Variants in PSTPIP1 observed in about 807,000 individuals in gnomAD.
PSTPIP1 encodes the protein proline-serine-threonine phosphatase interacting protein 1.
PSTPIP1 carries 66 observed loss-of-function variants against 69.6 expected under a neutral mutation model. The ratio of observed to expected loss-of-function variants is 0.95; its 90% CI spans 0.78 to 1.16. The LOEUF is 1.16. Ranked by LOEUF, PSTPIP1 falls within the 50% of genes most tolerant of loss-of-function variation. The pLI, the probability that PSTPIP1 is intolerant of heterozygous loss-of-function variation, is 0.00. For missense variants in PSTPIP1, 603 were observed against 557.4 expected, an observed-to-expected ratio of 1.08 and a Z score of -0.82; for synonymous variants, 266 against 222.7, an observed-to-expected ratio of 1.19 and a Z score of -1.73.
At chr15:77,015,378 T>C (rs767229111) in intron 1 of PSTPIP1, among the ~76,000 whole-genome samples, 2 of 152,132 alleles carry the variant, frequency 1.3e-5, no homozygotes, top group Admixed American at 1.3e-4. Context: ...TGTCCCCATC[T>C]TCGCCTCCCG....
At chr15:77,020,572 G>T (rs2076139675) in intron 3 of PSTPIP1, among the ~76,000 whole-genome samples, 2 of 152,174 alleles carry the variant, frequency 1.3e-5, no homozygotes, top group Admixed American at 6.5e-5. Flanking sequence ...CCTACTATGT[G>T]CCATGCCCTG....
intron 1 of PSTPIP1, among the ~76,000 whole-genome samples, chr15:77,000,407 AGG>A (rs1236772897): frequency 3.3e-5 from 5 of 151,208 alleles, no homozygotes; most frequent in Non-Finnish European, 5.9e-5. Context: ...CAGGGGCATC[AGG>A]AGAGCCTGAC....
chr15:77,035,414 C>T (rs959164866), intron 12 of PSTPIP1, 94 bp from the exon 13 acceptor site: 4 of 1,299,326 alleles, frequency 3.1e-6, no homozygotes, highest in Non-Finnish European at 4.3e-6. Flanking sequence ...AGAGCGCGTG[C>T]AGCTCTGAGA....
At chr15:77,005,445 C>T (rs1379263104) in intron 1 of PSTPIP1, among the ~76,000 whole-genome samples, 2 of 152,210 alleles carry the variant, frequency 1.3e-5, no homozygotes, top group African/African-American at 4.8e-5. Flanking sequence ...CTGGTTTTTA[C>T]CATTTTCCTG....
chr15:77,024,780 T>TC (rs2076238715), intron 3 of PSTPIP1, among the ~76,000 whole-genome samples: 4 of 141,862 alleles, frequency 2.8e-5, no homozygotes, highest in Non-Finnish European at 6.2e-5. Context: ...ACCTCTCAAC[T>TC]CCTGCGCCCT....
intron 1 of PSTPIP1, among the ~76,000 whole-genome samples, chr15:77,002,692 A>G (rs1251680583): frequency 6.6e-6 from 1 of 152,206 alleles, no homozygotes; most frequent in Non-Finnish European, 1.5e-5. Flanking sequence ...ATGCCTGCAG[A>G]TGGTCACTGC....
intron 1 of PSTPIP1, among the ~76,000 whole-genome samples, chr15:77,004,815 C>T (rs1030510190): frequency 1.3e-5 from 2 of 151,874 alleles, no homozygotes; most frequent in Admixed American, 6.6e-5. Flanking sequence ...ACTGTATGAT[C>T]GCACCACTGC....
intron 1 of PSTPIP1, among the ~76,000 whole-genome samples, chr15:77,000,460 GAT>G (rs1045472754): frequency 4.2e-5 from 6 of 141,692 alleles, no homozygotes; most frequent in African/African-American, 1.3e-4. Context: ...TTTAAAGAGA[GAT>G]ATATATATAT....
chr15:77,022,856 G>C (rs1268371036), intron 3 of PSTPIP1, among the ~76,000 whole-genome samples: 2 of 152,196 alleles, frequency 1.3e-5, no homozygotes, highest in African/African-American at 4.8e-5. Context: ...GCCTGGAGGG[G>C]CCAAAGCCTG....
At position 77,020,756 on chromosome 15, in the gene PSTPIP1, T is replaced by C. The variant is rs556684604; in HGVS notation, c.212+2225T>C. On this transcript the variant is annotated intron_variant, in intron 3 of 14. Transcript: ENST00000558012. ...TCCCAGACACCTTGCCTTGCCTTACTGTCAGAGTCTTGGCTTAGACCCAAT... is the reference window on the plus strand; with the variant it reads ...TCCCAGACACCTTGCCTTGCCTTACCGTCAGAGTCTTGGCTTAGACCCAAT... 8.0e-4 allele frequency among the ~76,000 whole-genome samples: 122 copies of C among 152,212 alleles called. 1 individual carries two copies. The highest frequency in any genetic ancestry group is 2.2e-4 in the Non-Finnish European group (15 of 68,002).
chr15:77,034,430 C>T (rs767395396), intron 12 of PSTPIP1, among the ~76,000 whole-genome samples: 24 of 152,134 alleles, frequency 1.6e-4, no homozygotes, highest in African/African-American at 2.2e-4. Context: ...TGGCCCTCGG[C>T]GCCTCATGTG....
chr15:77,019,309 C>T (rs895490844), intron 3 of PSTPIP1, among the ~76,000 whole-genome samples: 1 of 152,214 alleles, frequency 6.6e-6, no homozygotes, highest in African/African-American at 2.4e-5. Flanking sequence ...GGCAGACAGA[C>T]CACCGGCCTC....
In PSTPIP1 at chr15:77,032,418, G is replaced by A. The variant is rs201466172; in HGVS notation, c.838+24G>A. 177 of 1,610,060 alleles carry A rather than the reference G, an allele frequency of 1.1e-4. 2 individuals are homozygous for A. Among genetic ancestry groups the A allele is most frequent in the African/African-American group, 9.1e-4 (68 of 75,018 alleles). ...CGGTGAGGTCCGGCTTGCGGACAGC[G>A]CAGCCTCTAGGTGCATTGAGCCCCT... On this transcript the variant is annotated intron_variant, in intron 11 of 14. Coordinates refer to ENST00000558012, the MANE Select transcript of PSTPIP1 (RefSeq NM_003978.5).
rs759045973 is a variant in PSTPIP1 at position 76,995,619 on chromosome 15, G to T, written c.36+10G>T. 3 of 1,613,324 alleles carry T rather than the reference G, an allele frequency of 1.9e-6. No homozygotes were observed. The highest frequency in any genetic ancestry group is 2.5e-6 in the Non-Finnish European group (3 of 1,179,908). ...CAAAGATGCCTTTTGGGTGAGTGAGGATGGTTGGGGGCACTGAACAAGTGG... is the reference window on the plus strand; with the variant it reads ...CAAAGATGCCTTTTGGGTGAGTGAGTATGGTTGGGGGCACTGAACAAGTGG... On this transcript the variant is annotated intron_variant, in intron 1 of 14. Transcript: ENST00000558012.
At chr15:77,022,258 A>G in intron 3 of PSTPIP1, among the ~76,000 whole-genome samples, 1 of 152,228 alleles carries the variant, frequency 6.6e-6, no homozygotes, top group East Asian at 1.9e-4. Flanking sequence ...CATCGTGGGC[A>G]CAGCCTCAGC....
intron 10 of PSTPIP1, 67 bp downstream of exon 10, chr15:77,031,345 C>T (rs1303575087): frequency 1.6e-5 from 25 of 1,518,488 alleles, no homozygotes; most frequent in Admixed American, 5.0e-5. Context: ...CACCCAGGTC[C>T]ATCTGAGCCG....
At chr15:77,032,461 A>G in intron 11 of PSTPIP1, 67 bp downstream of exon 11, 1 of 1,536,846 alleles carries the variant, frequency 6.5e-7, no homozygotes, top group East Asian at 2.3e-5. Context: ...CCCGGCCCTG[A>G]GCCTCAAGTG....
intron 1 of PSTPIP1, among the ~76,000 whole-genome samples, chr15:77,014,976 G>A (rs1005596485): frequency 2.6e-5 from 4 of 152,124 alleles, no homozygotes; most frequent in East Asian, 1.9e-4. Context: ...GACTGTGCCC[G>A]CTCCCCACCT....
chr15:77,025,633 T>A (rs1450910185), intron 5 of PSTPIP1, 29 bp downstream of exon 5: 2 of 1,484,388 alleles, frequency 1.3e-6, no homozygotes, highest in Admixed American at 4.0e-5. Context: ...GCGGGGGAGC[T>A]GCTCCCCCAT....
Sources: allele counts gnomAD v4.1 joint callset (sites outside exome capture counted in the v4.1 genomes callset), GRCh38; gene constraint gnomAD v4.1.1; transcripts MANE v1.5; gene names NCBI Gene and HGNC (gene_info 2026-07-23, HGNC 2026-07-21).